The following CRACD variants were observed in gnomAD, a reference collection of about 807,000 sequenced individuals.
CRACD encodes capping protein inhibiting regulator of actin dynamics, also known as capping protein-inhibiting regulator of actin dynamics.
A neutral mutation model predicts 106.8 loss-of-function variants in CRACD; 56 were observed. That is an observed-to-expected ratio of 0.52 (90% CI 0.42 to 0.66). CRACD has a LOEUF of 0.66. Among genes scored for constraint, CRACD ranks in the 30% least tolerant of loss-of-function variants. CRACD has a pLI of 0.00. For synonymous variants in CRACD, 754 were observed against 670.8 expected (o/e 1.12, Z -1.92); for missense variants, 1,730 against 1,623.2 (o/e 1.07, Z -1.13).
In CRACD at chr4:56,206,154, C is replaced by T. The variant is rs954547506; in HGVS notation, c.-189+26724C>T. 3.3e-5 allele frequency among the ~76,000 whole-genome samples: 5 copies of T among 152,174 alleles called. No individual in the cohort carries two copies. In the East Asian group the frequency reaches 7.7e-4, roughly 23 times the overall value. ...AGGTTAGAATGAATTAATATGTGCC[C>T]GTTTTCCCTGTTAGGCTGTAAGCTT... is the stretch of plus-strand genomic sequence containing the variant. On this transcript the variant is annotated intron_variant, in intron 2 of 10. Coordinates refer to ENST00000682029, the MANE Select transcript of CRACD (RefSeq NM_001393381.1).
At chr4:56,062,071 C>A (rs1195434004) in intron 1 of CRACD, among the ~76,000 whole-genome samples, 1 of 152,132 alleles carries the variant, frequency 6.6e-6, no homozygotes, top group African/African-American at 2.4e-5. Flanking sequence ...TAATTTGTAT[C>A]CTACTTCTTT....
At chr4:56,053,960 A>G (rs1731962648) in intron 1 of CRACD, among the ~76,000 whole-genome samples, 1 of 152,206 alleles carries the variant, frequency 6.6e-6, no homozygotes, top group African/African-American at 2.4e-5. Context: ...CCCTCAAAAT[A>G]TACTTTGCAG....
At chr4:56,152,975 C>G (rs752584430) in intron 1 of CRACD, among the ~76,000 whole-genome samples, 1 of 152,084 alleles carries the variant, frequency 6.6e-6, no homozygotes, top group Non-Finnish European at 1.5e-5. Context: ...CTTAAATTTT[C>G]TTTGTTCAAA....
chr4:56,095,690 T>C (rs564729003), intron 1 of CRACD, among the ~76,000 whole-genome samples: 116 of 152,190 alleles, frequency 7.6e-4, no homozygotes, highest in African/African-American at 2.7e-3. Context: ...TGTAAGGCCT[T>C]ATGCAAAGAC....
chr4:56,109,245 G>T (rs1032811181), intron 1 of CRACD, among the ~76,000 whole-genome samples: 59 of 152,356 alleles, frequency 3.9e-4, no homozygotes, highest in African/African-American at 1.4e-3. Flanking sequence ...ATGCAACGAA[G>T]AGTAATATTA....
chr4:56,310,959 T>C (rs1745122092), intron 6 of CRACD: 2 of 525,940 alleles, frequency 3.8e-6, no homozygotes, highest in Non-Finnish European at 6.8e-6. Context: ...CTAGCCATAC[T>C]CCCAGCATGC....
intron 3 of CRACD, among the ~76,000 whole-genome samples, chr4:56,279,473 A>G (rs995274050): frequency 6.6e-6 from 1 of 152,238 alleles, no homozygotes; most frequent in East Asian, 1.9e-4. Flanking sequence ...CCCATCAACA[A>G]GTGGGCGAAG....
chr4:56,313,472 A>G, intron 7 of CRACD, 93 bp downstream of exon 7: 1 of 1,147,602 alleles, frequency 8.7e-7, no homozygotes, highest in South Asian at 1.5e-5. Flanking sequence ...GGAGCCATGT[A>G]AAGACCTGAG....
chr4:56,291,518 T>C lies in CRACD; in HGVS notation c.-16-6696T>C, dbSNP rs116949780. ...CCTCAAATTTTGGAACTTTGGGCAA[T>C]ATTTTTACCCACCTCAGCTTCCCCT... On this transcript the variant is annotated intron_variant, in intron 3 of 10. Coordinates refer to ENST00000682029, the MANE Select transcript of CRACD (RefSeq NM_001393381.1). Among the ~76,000 whole-genome samples, 286 of 152,324 alleles carry C rather than the reference T, an allele frequency of 1.9e-3. 6 individuals carry two copies. The South Asian group carries it at 0.027, about 14-fold the overall frequency.
intron 1 of CRACD, among the ~76,000 whole-genome samples, chr4:56,135,297 A>G (rs1023154558): frequency 6.6e-6 from 1 of 152,214 alleles, no homozygotes; most frequent in African/African-American, 2.4e-5. Context: ...AAAATAAACC[A>G]AAAAACAAGC....
At chr4:56,066,264 A>T (rs983427561) in intron 1 of CRACD, among the ~76,000 whole-genome samples, 1 of 152,220 alleles carries the variant, frequency 6.6e-6, no homozygotes, top group African/African-American at 2.4e-5. Flanking sequence ...CCAGCAACAG[A>T]TAGGAAATCT....
At chr4:56,210,606 C>T (rs1738351236) in intron 2 of CRACD, among the ~76,000 whole-genome samples, 2 of 152,208 alleles carry the variant, frequency 1.3e-5, no homozygotes, top group Non-Finnish European at 2.9e-5. Flanking sequence ...TAGATTTAAA[C>T]AAAGGCAAGG....
intron 1 of CRACD, among the ~76,000 whole-genome samples, chr4:56,094,028 A>C (rs1277891204): frequency 2.6e-5 from 4 of 152,238 alleles, no homozygotes; most frequent in Admixed American, 2.0e-4. Context: ...AGTCACTAGA[A>C]GTCAGATGCA....
At chr4:56,321,978 G>A (rs1392037087) in intron 8 of CRACD, among the ~76,000 whole-genome samples, 7 of 152,160 alleles carry the variant, frequency 4.6e-5, no homozygotes, top group East Asian at 1.9e-4. Context: ...CCTGGAATAC[G>A]ATATAAAATC....
intron 1 of CRACD, among the ~76,000 whole-genome samples, chr4:56,072,115 G>C (rs1257205066): frequency 1.5e-5 from 2 of 136,722 alleles, no homozygotes; most frequent in Middle Eastern, 3.9e-3. Flanking sequence ...GCGACAGAGC[G>C]AGACTCCGTC....
At chr4:56,206,831 C>T (rs563552488) in intron 2 of CRACD, among the ~76,000 whole-genome samples, 14 of 152,278 alleles carry the variant, frequency 9.2e-5, no homozygotes, top group South Asian at 2.1e-4. Context: ...TTTGGGTTTA[C>T]GGTCTCAGCA....
chr4:56,314,338 C>G lies in CRACD; in HGVS notation c.836C>G (p.Pro279Arg). ...LLEEEGEGQE[P>R]PLEAERAPRE... ...GAGGAGGAGGGCGAGGGGCAGGAGCCGCCTCTAGAGGCGGAAAGGGCGCCG... is the reference window on the plus strand; with the variant it reads ...GAGGAGGAGGGCGAGGGGCAGGAGCGGCCTCTAGAGGCGGAAAGGGCGCCG... The change falls in exon 8 of 11, where the codon CCG becomes CGG. Residue 279 changes from proline to arginine, a missense_variant. By Grantham distance (103) the Pro-to-Arg change is moderately radical (BLOSUM62 -2). Coordinates refer to ENST00000682029, the MANE Select transcript of CRACD (RefSeq NM_001393381.1). The surrounding 1 kb of genome is among the most constrained non-coding windows in gnomAD (Gnocchi z 4.4). The G allele has an allele frequency of 6.5e-7, 1 of 1,549,336 alleles. No individual in the cohort carries two copies. The highest frequency in any genetic ancestry group is 2.4e-5 in the East Asian group (1 of 40,828).
intron 1 of CRACD, among the ~76,000 whole-genome samples, chr4:56,125,764 CTTTT>C (rs11289899): frequency 4.1e-5 from 3 of 73,298 alleles, no homozygotes; most frequent in African/African-American, 1.1e-4. Context: ...CATTCTTCTT[CTTTT>C]TTTTTTTTTT....
chr4:56,184,350 C>T (rs189318328), intron 2 of CRACD, among the ~76,000 whole-genome samples: 14 of 152,326 alleles, frequency 9.2e-5, no homozygotes, highest in Non-Finnish European at 1.6e-4. Flanking sequence ...GGTTTATAGG[C>T]GTGAGCCACC....
Sources: gnomAD v4.1 joint callset for allele counts (sites outside exome capture counted in the v4.1 genomes callset) on GRCh38, gnomAD v4.1.1 for gene constraint, Gnocchi (gnomAD v3.1) non-coding constraint, MANE v1.5 for transcripts, NCBI Gene and HGNC (gene_info 2026-07-23, HGNC 2026-07-21) for gene names.